FLVCR1: variants seen among roughly 807,000 people sequenced by gnomAD.
FLVCR1 encodes the protein choline/ethanolamine transporter FLVCR1.
FLVCR1 carries 34 observed loss-of-function variants against 53.6 expected under a neutral mutation model. The ratio of observed to expected loss-of-function variants is 0.63; its 90% CI spans 0.48 to 0.84. The LOEUF is 0.84. Among genes scored for constraint, FLVCR1 ranks in the 40% least tolerant of loss-of-function variants. The pLI is 0.00. For missense variants in FLVCR1, 677 were observed against 696.7 expected, an observed-to-expected ratio of 0.97 and a Z score of 0.32; for synonymous variants, 300 against 286.3, an observed-to-expected ratio of 1.05 and a Z score of -0.48.
chr1:212,892,604 CTGA>C (rs1665220468), intron 8 of FLVCR1, among the ~76,000 whole-genome samples: 1 of 152,158 alleles, frequency 6.6e-6, no homozygotes, highest in Non-Finnish European at 1.5e-5. Flanking sequence ...CCCAAGAGCT[CTGA>C]TGAAGATGTA....
chr1:212,882,242 A>G (rs778433963), intron 3 of FLVCR1, among the ~76,000 whole-genome samples: 7 of 152,232 alleles, frequency 4.6e-5, no homozygotes, highest in Non-Finnish European at 1.0e-4. Flanking sequence ...TTAAGTGTCT[A>G]TTGACAGGAC....
At chr1:212,878,824 A>G (rs547094854) in intron 3 of FLVCR1, among the ~76,000 whole-genome samples, 1 of 152,120 alleles carries the variant, frequency 6.6e-6, no homozygotes, top group South Asian at 2.1e-4. Flanking sequence ...CCTCATCTCT[A>G]CAAAAAATAC....
chr1:212,892,877 G>A (rs1294772522), intron 8 of FLVCR1, among the ~76,000 whole-genome samples: 1 of 152,112 alleles, frequency 6.6e-6, no homozygotes, highest in Non-Finnish European at 1.5e-5. Flanking sequence ...ATTAACAGGA[G>A]TTTGGAGGAA....
At chr1:212,881,842 C>T (rs7512393) in intron 3 of FLVCR1, among the ~76,000 whole-genome samples, 66,780 of 151,992 alleles carry the variant, frequency 0.44, 15,719 homozygotes, top group East Asian at 0.54. Flanking sequence ...AAAAATAACT[C>T]CTACAAATCA....
chr1:212,872,268 C>T (rs1664622193), intron 2 of FLVCR1, among the ~76,000 whole-genome samples: 1 of 152,186 alleles, frequency 6.6e-6, no homozygotes, highest in Non-Finnish European at 1.5e-5. Context: ...GCATGAGCCA[C>T]TGTGCCCAGC....
intron 5 of FLVCR1, 159 bp downstream of exon 5, chr1:212,885,555 T>TTG (rs1362134216): frequency 2.2e-6 from 1 of 454,682 alleles, no homozygotes; most frequent in East Asian, 4.3e-5. Context: ...TGTTTCTTTT[T>TTG]TTTTTTTTTT....
chr1:212,865,718 A>T (rs1035294649), intron 2 of FLVCR1, among the ~76,000 whole-genome samples: 1 of 151,764 alleles, frequency 6.6e-6, no homozygotes, highest in Non-Finnish European at 1.5e-5. Flanking sequence ...CTGACCTCAA[A>T]TGATCCACCT....
At chr1:212,892,468 C>G (rs1423144836) in intron 8 of FLVCR1, among the ~76,000 whole-genome samples, 2 of 152,172 alleles carry the variant, frequency 1.3e-5, no homozygotes, top group Admixed American at 6.5e-5. Flanking sequence ...ACCTGAACCC[C>G]GTAGTTGATA....
intron 1 of FLVCR1, among the ~76,000 whole-genome samples, chr1:212,859,484 G>A (rs3768551): frequency 0.46 from 70,381 of 151,954 alleles, 17,537 homozygotes; most frequent in Non-Finnish European, 0.56. Context: ...TTGGGAGGCC[G>A]AGGTGGGTGG....
intron 3 of FLVCR1, among the ~76,000 whole-genome samples, chr1:212,873,826 C>T (rs141443684): frequency 0.011 from 1,733 of 152,312 alleles, 15 homozygotes; most frequent in Non-Finnish European, 0.019. Context: ...CCAATTAAGT[C>T]CGGACCTAAA....
chr1:212,874,012 A>G (rs1664679378), intron 3 of FLVCR1, among the ~76,000 whole-genome samples: 1 of 151,846 alleles, frequency 6.6e-6, no homozygotes, highest in South Asian at 2.1e-4. Context: ...TTTTTCCTGG[A>G]ATGTATTTTT....
intron 5 of FLVCR1, among the ~76,000 whole-genome samples, chr1:212,886,042 C>CTTTTTTTTTTTTTTTTTTTTTT (rs5780703): frequency 8.3e-6 from 1 of 121,166 alleles, no homozygotes; most frequent in African/African-American, 3.2e-5. Flanking sequence ...TTATCTTGTT[C>CTTTTTTTTTTTTTTTTTTTTTT]TTTTTTTTTT....
chr1:212,870,665 G>T (rs985484221), intron 2 of FLVCR1, among the ~76,000 whole-genome samples: 1 of 151,404 alleles, frequency 6.6e-6, no homozygotes, highest in Admixed American at 6.6e-5. Context: ...TTTTTTTCTT[G>T]CTGTCTGGCT....
In FLVCR1 at chr1:212,878,684, T is replaced by C. The variant is rs578138090; in HGVS notation, c.1025-4687T>C. ...TAGGTATTGTATTCCTATGAAAAGA[T>C]ATCTTTTATAATAGCAACTAAAACT... is the stretch of plus-strand genomic sequence containing the variant. On this transcript the variant is annotated intron_variant, in intron 3 of 9. Transcript: ENST00000366971. Among the ~76,000 whole-genome samples, 224 of 152,254 alleles carry C rather than the reference T, an allele frequency of 1.5e-3. 1 individual carries two copies. Among genetic ancestry groups the C allele is most frequent in the African/African-American group, 5.0e-3 (208 of 41,562 alleles).
rs372802362 is a variant in FLVCR1 at position 212,876,484 on chromosome 1, G to A, written c.1024+3666G>A. On this transcript the variant is annotated intron_variant, in intron 3 of 9. Transcript: ENST00000366971. The stretch of plus-strand genomic sequence containing the variant: ...AGGTTCAGGTGATTCTCCTGCCTCA[G>A]CCTCCCGAGTAGCTGGGATTACAGG... 1.4e-3 allele frequency among the ~76,000 whole-genome samples: 206 copies of A among 151,978 alleles called. 1 individual carries two copies. In the South Asian group the frequency reaches 0.027, roughly 20 times the overall value.
In FLVCR1 at chr1:212,897,533, A is replaced by G. The variant is rs908109103; in HGVS notation, c.*2243A>G. On this transcript the variant is annotated 3_prime_UTR_variant, in exon 10 of 10. Coordinates refer to ENST00000366971, the MANE Select transcript of FLVCR1 (RefSeq NM_014053.4). ...CGAGACTCTGTTTCAGGAAAAAAAG[A>G]ACAGAAATACCTGAGACTGGGTAAT... 1 of 152,286 alleles carries G rather than the reference A, an allele frequency of 6.6e-6. No individual in the cohort carries two copies. Among genetic ancestry groups the G allele is most frequent in the African/African-American group, 2.4e-5 (1 of 41,438 alleles). The allele number at this position is 152,286 out of a possible 1,614,324, so 9.4% of individuals were successfully genotyped here. A position where few individuals can be genotyped will look rare whatever the true frequency, so the allele number is the denominator to read the frequency against.
In FLVCR1 at chr1:212,859,169, C is replaced by T; in HGVS notation, c.717C>T (p.Ala239=). 3 of 1,614,034 alleles carry T rather than the reference C, an allele frequency of 1.9e-6. No homozygotes were observed. The highest frequency in any genetic ancestry group is 2.5e-6 in the Non-Finnish European group (3 of 1,180,044). The change falls in exon 1 of 10, where the codon GCC becomes GCT. Residue 239 remains alanine, a synonymous_variant. Transcript: ENST00000366971. Reference sequence around the variant, plus strand: ...CCAAAGAGGTGTCCACAGCTTGTGCCACCGCCGTGCTGGGCAATCAGGTAA... The same window carrying T: ...CCAAAGAGGTGTCCACAGCTTGTGCTACCGCCGTGCTGGGCAATCAGGTAA... The part of the protein sequence containing the change: ...FGPKEVSTAC[A]TAVLGNQLGT...
intron 7 of FLVCR1, 144 bp from the exon 8 acceptor site, chr1:212,889,002 T>G (rs943528830): frequency 5.9e-6 from 4 of 673,768 alleles, no homozygotes; most frequent in African/African-American, 3.6e-5. Flanking sequence ...TGACCGTGGT[T>G]TTTGTTTTAA....
Position 212,895,389 on chromosome 1 carries a change from G to C in FLVCR1, c.*99G>C. 1 of 813,142 alleles carries C rather than the reference G, an allele frequency of 1.2e-6. No homozygotes were observed. The highest frequency in any genetic ancestry group is 2.2e-6 in the Non-Finnish European group (1 of 460,658). 50.4% of individuals were successfully genotyped at this position (813,142 alleles called of 1,614,324 possible). ...AAGGCTGGGTTTGTATGTGGTGGGG[G>C]AATAAACACACTTACTTGAAAATTA... On this transcript the variant is annotated 3_prime_UTR_variant, in exon 10 of 10. Coordinates refer to ENST00000366971, the MANE Select transcript of FLVCR1 (RefSeq NM_014053.4).
Sources: gnomAD v4.1 joint callset for allele counts (sites outside exome capture counted in the v4.1 genomes callset) on GRCh38, gnomAD v4.1.1 for gene constraint, MANE v1.5 for transcripts, NCBI Gene and HGNC (gene_info 2026-07-23, HGNC 2026-07-21) for gene names.